PPP4R2: variants seen among roughly 807,000 people sequenced by gnomAD.
The protein encoded by PPP4R2 is serine/threonine-protein phosphatase 4 regulatory subunit 2.
A neutral mutation model predicts 47.2 loss-of-function variants in PPP4R2; 13 were observed. The observed-to-expected ratio is 0.28, with a 90% CI of 0.18 to 0.44. The LOEUF is 0.44. Among genes scored for constraint, PPP4R2 ranks in the 20% least tolerant of loss-of-function variants. PPP4R2 has a pLI of 1.00. For synonymous variants in PPP4R2, 151 were observed against 163.3 expected (o/e 0.92, Z 0.57); for missense variants, 421 against 491.2 (o/e 0.86, Z 1.35).
chr3:73,047,530 A>G (rs1702509395), intron 3 of PPP4R2, among the ~76,000 whole-genome samples, 174 bp downstream of exon 3: 3 of 152,218 alleles, frequency 2.0e-5, no homozygotes, highest in Admixed American at 2.0e-4. Flanking sequence ...AAATATTTGT[A>G]GCCTCTTAAA....
intron 4 of PPP4R2, among the ~76,000 whole-genome samples, chr3:73,060,604 C>T (rs1286137203): frequency 6.6e-6 from 1 of 151,460 alleles, no homozygotes; most frequent in African/African-American, 2.4e-5. Context: ...GAGTCTCTTT[C>T]TGTGGGATAT....
At chr3:73,039,087 A>G (rs985350126) in intron 2 of PPP4R2, among the ~76,000 whole-genome samples, 18 of 152,222 alleles carry the variant, frequency 1.2e-4, no homozygotes, top group African/African-American at 4.1e-4. Flanking sequence ...AATAGGAAAC[A>G]TGAGAAATAT....
In PPP4R2 at chr3:73,055,719, T is replaced by G. The variant is rs556193652; in HGVS notation, c.288-3318T>G. Among the ~76,000 whole-genome samples, 7 of 151,126 alleles carry G rather than the reference T, an allele frequency of 4.6e-5. No homozygotes were observed. In the Admixed American group the frequency reaches 4.6e-4, roughly 10 times the overall value. Reference sequence around the variant, plus strand: ...TCTTATCACCCAGGCTGGAGTGCAGTGGCTCAATCTCGACTCACTGCAACT... The same window carrying G: ...TCTTATCACCCAGGCTGGAGTGCAGGGGCTCAATCTCGACTCACTGCAACT... On this transcript the variant is annotated intron_variant, in intron 3 of 8. Transcript: ENST00000356692.
At chr3:73,027,179 G>T (rs997203155) in intron 2 of PPP4R2, among the ~76,000 whole-genome samples, 5 of 152,176 alleles carry the variant, frequency 3.3e-5, no homozygotes, top group Non-Finnish European at 7.3e-5. Flanking sequence ...CCAGGTTGGT[G>T]TGCAGTGGCA....
intron 2 of PPP4R2, among the ~76,000 whole-genome samples, chr3:73,025,086 G>A (rs1702037201): frequency 6.6e-6 from 1 of 152,134 alleles, no homozygotes; most frequent in African/African-American, 2.4e-5. Context: ...GTCAGGTGGG[G>A]TGATGAGAGA....
chr3:73,060,945 A>ATT, intron 4 of PPP4R2, 78 bp from the exon 5 acceptor site: 1 of 1,003,604 alleles, frequency 1.0e-6, no homozygotes, highest in Non-Finnish European at 1.4e-6. Context: ...CACCAGAGTG[A>ATT]TTTTAGAAAC....
At chr3:73,055,107 A>G (rs755203414) in intron 3 of PPP4R2, among the ~76,000 whole-genome samples, 1 of 152,180 alleles carries the variant, frequency 6.6e-6, no homozygotes, top group African/African-American at 2.4e-5. Context: ...TTTCCTTGGA[A>G]TTAAAGGGAG....
chr3:73,028,757 C>CT (rs1397769456), intron 2 of PPP4R2, among the ~76,000 whole-genome samples: 6 of 152,190 alleles, frequency 3.9e-5, no homozygotes, highest in Admixed American at 3.3e-4. Flanking sequence ...GTAGAAGAAT[C>CT]TTTCAGTGCA....
Position 73,064,158 on chromosome 3 carries a change from T to G in PPP4R2, c.638+12T>G, listed in dbSNP as rs779618380. 1 of 1,594,832 alleles carries G rather than the reference T, an allele frequency of 6.3e-7. No individual in the cohort carries two copies. Among genetic ancestry groups the G allele is most frequent in the African/African-American group, 1.4e-5 (1 of 73,436 alleles). On this transcript the variant is annotated intron_variant, in intron 7 of 8. Coordinates refer to ENST00000356692, the MANE Select transcript of PPP4R2 (RefSeq NM_174907.4). ...GAGAAAAATCACAGGTTTGTATGTT[T>G]TATATTTAAAAACAGTGTTTTTATT...
At chr3:73,030,128 T>A (rs909648241) in intron 2 of PPP4R2, among the ~76,000 whole-genome samples, 1 of 152,192 alleles carries the variant, frequency 6.6e-6, no homozygotes, top group African/African-American at 2.4e-5. Flanking sequence ...GAAATATCAG[T>A]GTATTTATAT....
intron 2 of PPP4R2, among the ~76,000 whole-genome samples, chr3:73,004,626 TGG>T (rs1257962692): frequency 6.6e-6 from 1 of 152,072 alleles, no homozygotes; most frequent in Non-Finnish European, 1.5e-5. Flanking sequence ...TCTGTAGAGA[TGG>T]GGTTTCACCA....
chr3:73,003,031 A>G (rs1161096846), intron 2 of PPP4R2, among the ~76,000 whole-genome samples: 2 of 152,096 alleles, frequency 1.3e-5, no homozygotes, highest in Non-Finnish European at 2.9e-5. Flanking sequence ...TCTTGTAATT[A>G]CTGATTGTAA....
rs1270540669 is a variant in PPP4R2, at chr3:73,069,192, T to G, written c.*3470T>G. 2.0e-5 allele frequency: 3 copies of G among 152,192 alleles called. No homozygotes were observed. Among genetic ancestry groups the G allele is most frequent in the Admixed American group, 1.3e-4 (2 of 15,270 alleles). 9.4% of individuals were successfully genotyped at this position (152,192 alleles called of 1,614,324 possible). A position where few individuals can be genotyped will look rare whatever the true frequency, so the allele number is the denominator to read the frequency against. The stretch of plus-strand genomic sequence containing the variant: ...TTTCATAATGCAATAAAATATAAAT[T>G]AGAATATTTCTATGTGTGTAATTAT... On this transcript the variant is annotated 3_prime_UTR_variant, in exon 9 of 9. Transcript: ENST00000356692.
At chr3:73,001,798 ATTGTGT>A in intron 2 of PPP4R2, among the ~76,000 whole-genome samples, 1 of 151,272 alleles carries the variant, frequency 6.6e-6, no homozygotes, top group South Asian at 2.1e-4. Context: ...ACAACTAATT[ATTGTGT>A]TTTTAGTAGA....
In PPP4R2 at chr3:73,065,007, C is replaced by T. The variant is rs1345627284; in HGVS notation, c.794C>T (p.Ser265Phe). Reference sequence around the variant, plus strand: ...AGAGAAACAGCCAGTCAAACGACTTCCAGCGAAATTTCTTCAGTTATGGTA... The same window carrying T: ...AGAGAAACAGCCAGTCAAACGACTTTCAGCGAAATTTCTTCAGTTATGGTA... ...EVRETASQTT[S>F]SEISSVMVGE... Residue 265 changes from serine (S) to phenylalanine (F), a missense_variant, in exon 8 of 9, where the codon TCC (serine) becomes TTC (phenylalanine). Ser to Phe is a radical substitution (Grantham distance 155). Transcript: ENST00000356692. The T allele has an allele frequency of 9.9e-6, 16 of 1,613,816 alleles. No homozygotes were observed. Among genetic ancestry groups the T allele is most frequent in the Middle Eastern group, 1.7e-4 (1 of 6,056 alleles).
At chr3:73,008,613 A>G (rs1050604388) in intron 2 of PPP4R2, among the ~76,000 whole-genome samples, 1 of 152,146 alleles carries the variant, frequency 6.6e-6, no homozygotes, top group Non-Finnish European at 1.5e-5. Flanking sequence ...TCTTGGTGAG[A>G]CTTTGGACAA....
chr3:73,026,892 G>C (rs999146165), intron 2 of PPP4R2, among the ~76,000 whole-genome samples: 17 of 152,038 alleles, frequency 1.1e-4, no homozygotes, highest in Admixed American at 3.9e-4. Flanking sequence ...ATAAAGCCTG[G>C]GTTGAAATCC....
chr3:73,001,575 AAC>A (rs1342520732), intron 2 of PPP4R2, among the ~76,000 whole-genome samples: 3 of 152,134 alleles, frequency 2.0e-5, no homozygotes, highest in African/African-American at 2.4e-5. Flanking sequence ...CCTTGTCTCA[AAC>A]ACACACATGC....
intron 2 of PPP4R2, among the ~76,000 whole-genome samples, chr3:73,045,592 C>T (rs1053502404): frequency 6.8e-6 from 1 of 147,768 alleles, no homozygotes; most frequent in Non-Finnish European, 1.5e-5. Flanking sequence ...TGATGCAATC[C>T]TCAGCTCACT....
Sources: gnomAD v4.1 joint callset for allele counts (sites outside exome capture counted in the v4.1 genomes callset) on GRCh38, gnomAD v4.1.1 for gene constraint, MANE v1.5 for transcripts, NCBI Gene and HGNC (gene_info 2026-07-23, HGNC 2026-07-21) for gene names.